Variants in ELAVL3 observed in about 807,000 individuals in gnomAD.
The protein encoded by ELAVL3 is ELAV like RNA binding protein 3.
A neutral mutation model predicts 34.2 loss-of-function variants in ELAVL3; 8 were observed. The ratio of observed to expected loss-of-function variants is 0.23; its 90% CI spans 0.14 to 0.42. The LOEUF (loss-of-function observed/expected upper bound fraction) is 0.42, where lower values mean the gene tolerates loss of function less well. ELAVL3 is among the 10% of genes least tolerant of loss of function. The pLI is 1.00. For synonymous variants in ELAVL3, 209 were observed against 222.1 expected (o/e 0.94, Z 0.53); for missense variants, 273 against 518.8 (o/e 0.53, Z 4.60).
chr19:11,454,498 AGGGGG>A lies in ELAVL3; in HGVS notation c.*23_*27del, dbSNP rs1970724898. 2.3e-6 allele frequency: 3 copies of A among 1,288,970 alleles called. No individual in the cohort carries two copies. The highest frequency in any genetic ancestry group is 3.0e-6 in the Non-Finnish European group (3 of 995,012). 79.8% of individuals were successfully genotyped at this position (1,288,970 alleles called of 1,614,324 possible). On this transcript the variant is annotated 3_prime_UTR_variant, in exon 7 of 7. Transcript: ENST00000359227. This position sits in a 1 kb window ranked among gnomAD's most constrained non-coding sequence, Gnocchi z 9.2. ...CTCTCTCTCTCTCTGCTGCCCGGGGAGGGGGTGGGAGGGCAGGCGGGGTGGGCTCA... is the reference window on the plus strand; with the variant it reads ...CTCTCTCTCTCTCTGCTGCCCGGGGATGGGAGGGCAGGCGGGGTGGGCTCA...
rs373130061 is a variant in ELAVL3 at position 11,466,798 on chromosome 19, C to T, written c.39G>A (p.Val13=). ...GGGCCGGGCCGGCCGGGCCCCCCCCCACCTGAGACTCCATGGCCCCCAGTA... is the reference window on the plus strand; with the variant it reads ...GGGCCGGGCCGGCCGGGCCCCCCCCTACCTGAGACTCCATGGCCCCCAGTA... The part of the protein sequence containing the change: ...TQILGAMESQ[V]GGGPAGPALP... The change falls in exon 2 of 7, where the codon GTG becomes GTA. Residue 13 remains valine (V), a synonymous_variant. Transcript: ENST00000359227. The surrounding 1 kb of genome is among the most constrained non-coding windows in gnomAD (Gnocchi z 5.0). 7.3e-5 allele frequency: 118 copies of T among 1,611,032 alleles called. No individual in the cohort carries two copies. Among genetic ancestry groups the T allele is most frequent in the Middle Eastern group, 4.9e-4 (3 of 6,082 alleles).
Position 11,458,033 on chromosome 19 carries a change from G to T in ELAVL3, c.713+28C>A. 1 of 1,603,296 alleles carries T rather than the reference G, an allele frequency of 6.2e-7. No homozygotes were observed. Among genetic ancestry groups the T allele is most frequent in the Non-Finnish European group, 8.5e-7 (1 of 1,176,880 alleles). On this transcript the variant is annotated intron_variant, in intron 5 of 6. Transcript: ENST00000359227. This position sits in a 1 kb window ranked among gnomAD's most constrained non-coding sequence, Gnocchi z 7.3. ...TTGCAAGCTTGGGGGCACCCGGCCT[G>T]GGGCCATCTGGCTGGCAGGGGGCTC...
At chr19:11,455,088 T>C (rs1046678353) in intron 6 of ELAVL3, among the ~76,000 whole-genome samples, 2 of 151,976 alleles carry the variant, frequency 1.3e-5, no homozygotes, top group Non-Finnish European at 2.9e-5. Context: ...AGCTTTGACC[T>C]CCTGGGCTCA....
chr19:11,468,223 TACCTGCCTTCATCTCCCCTTGCC>T (rs1971095029), intron 1 of ELAVL3, among the ~76,000 whole-genome samples: 1 of 152,224 alleles, frequency 6.6e-6, no homozygotes, highest in Non-Finnish European at 1.5e-5. Context: ...ACTAGTCATT[TACCTGCCTTCATCTCCCCTTGCC>T]ACCCCCAGTT....
chr19:11,474,351 C>T (rs980585157), intron 1 of ELAVL3, among the ~76,000 whole-genome samples: 4 of 152,134 alleles, frequency 2.6e-5, no homozygotes, highest in Admixed American at 2.6e-4. Flanking sequence ...AATCCCAGCA[C>T]TTTGGGAGGC....
At chr19:11,472,853 G>A (rs527377145) in intron 1 of ELAVL3, among the ~76,000 whole-genome samples, 1 of 151,268 alleles carries the variant, frequency 6.6e-6, no homozygotes, top group Non-Finnish European at 1.5e-5. Context: ...ATCGCCAGAG[G>A]TCAGGAGTTT....
In ELAVL3 at chr19:11,454,081, C is replaced by G. The variant is rs1970714771; in HGVS notation, c.*445G>C. 6.4e-6 allele frequency: 1 copy of G among 156,452 alleles called. No homozygotes were observed. The highest frequency in any genetic ancestry group is 1.4e-5 in the Non-Finnish European group (1 of 70,684). 9.7% of individuals were successfully genotyped at this position (156,452 alleles called of 1,614,324 possible). ...GTTCGCTTTTTTGGGGATTTTTAAA[C>G]CTGTTCCTCCTACCCCAGGCCCCAC... is the stretch of plus-strand genomic sequence containing the variant. On this transcript the variant is annotated 3_prime_UTR_variant, in exon 7 of 7. Coordinates refer to ENST00000359227, the MANE Select transcript of ELAVL3 (RefSeq NM_001420.4). The surrounding 1 kb of genome is among the most constrained non-coding windows in gnomAD (Gnocchi z 9.2).
intron 1 of ELAVL3, among the ~76,000 whole-genome samples, chr19:11,476,936 G>A (rs1415439054): frequency 1.3e-5 from 2 of 151,484 alleles, no homozygotes; most frequent in East Asian, 3.9e-4. Context: ...AAAAAAAAAA[G>A]AATTCAGTTC....
At position 11,454,903 on chromosome 19, in the gene ELAVL3, G is replaced by T. The variant is rs753753375; in HGVS notation, c.753-26C>A. Reference sequence around the variant, plus strand: ...CTACTTTGGGGGTCACGCGGGCTCTGCCCTGACCCCCCGCATGCTTCTGAC... The same window carrying T: ...CTACTTTGGGGGTCACGCGGGCTCTTCCCTGACCCCCCGCATGCTTCTGAC... On this transcript the variant is annotated intron_variant, in intron 6 of 6. Transcript: ENST00000359227. The surrounding 1 kb of genome is among the most constrained non-coding windows in gnomAD (Gnocchi z 9.2). The T allele has an allele frequency of 2.2e-5, 35 of 1,568,400 alleles. No homozygotes were observed. Among genetic ancestry groups the T allele is most frequent in the Non-Finnish European group, 2.9e-5 (34 of 1,161,798 alleles).
intron 6 of ELAVL3, among the ~76,000 whole-genome samples, chr19:11,455,302 T>TC (rs1970745252): frequency 6.8e-6 from 1 of 147,856 alleles, no homozygotes; most frequent in African/African-American, 2.5e-5. Context: ...CCCACTAATT[T>TC]TTTTTTTTTT....
rs751681937 is a variant in ELAVL3, at chr19:11,458,314, G to A, written c.488-28C>T. On this transcript the variant is annotated intron_variant, in intron 4 of 6. Transcript: ENST00000359227. This position sits in a 1 kb window ranked among gnomAD's most constrained non-coding sequence, Gnocchi z 7.3. ...GCCAGGGGGCAGGGATGTCCATCAC[G>A]ACGACCCTGTCCCCTCCTGTGTAAC... 37 of 1,611,508 alleles carry A rather than the reference G, an allele frequency of 2.3e-5. No homozygotes were observed. The highest frequency in any genetic ancestry group is 1.0e-4 in the Admixed American group (6 of 59,962).
At chr19:11,472,975 G>A (rs1256125504) in intron 1 of ELAVL3, among the ~76,000 whole-genome samples, 1 of 152,036 alleles carries the variant, frequency 6.6e-6, no homozygotes, top group African/African-American at 2.4e-5. Flanking sequence ...GCTGAGGCAG[G>A]AGAATCACTT....
At chr19:11,461,009 C>CAAA (rs535847241) in intron 3 of ELAVL3, among the ~76,000 whole-genome samples, 14 of 89,840 alleles carry the variant, frequency 1.6e-4, no homozygotes, top group Non-Finnish European at 3.4e-4. Context: ...ACAACCTCTA[C>CAAA]AAAAAAAAAA....
chr19:11,475,612 CTT>C (rs35672237), intron 1 of ELAVL3, among the ~76,000 whole-genome samples: 37 of 133,684 alleles, frequency 2.8e-4, no homozygotes, highest in African/African-American at 3.4e-4. Context: ...TCACCATCTA[CTT>C]TTTTTTTTTT....
At chr19:11,468,268 C>A (rs1396085443) in intron 1 of ELAVL3, among the ~76,000 whole-genome samples, 2 of 152,182 alleles carry the variant, frequency 1.3e-5, no homozygotes, top group Non-Finnish European at 2.9e-5. Context: ...TCCCACTGAG[C>A]TATTTTGTTC....
chr19:11,467,576 T>G (rs1291586163), intron 1 of ELAVL3, among the ~76,000 whole-genome samples: 2 of 143,110 alleles, frequency 1.4e-5, no homozygotes, highest in African/African-American at 5.2e-5. Context: ...CTCCGCCTCT[T>G]GGGTTCAAGC....
intron 1 of ELAVL3, among the ~76,000 whole-genome samples, chr19:11,469,746 TCA>T (rs1305062365): frequency 2.0e-5 from 3 of 152,012 alleles, no homozygotes; most frequent in Admixed American, 2.0e-4. Flanking sequence ...TTTATTTAAT[TCA>T]CACAAAGACT....
rs1216957449 is a variant in ELAVL3 at position 11,458,399 on chromosome 19, C to T, written c.487+59G>A. On this transcript the variant is annotated intron_variant, in intron 4 of 6. Transcript: ENST00000359227. The surrounding 1 kb of genome is among the most constrained non-coding windows in gnomAD (Gnocchi z 7.3). ...TCTTGGTCGGTTTCCCCACGTTGGT[C>T]CCACCTGACTGCCTTTGCCCAGCGC... The T allele has an allele frequency of 3.1e-6, 5 of 1,610,130 alleles. No homozygotes were observed. In the South Asian group the frequency reaches 4.4e-5, roughly 14 times the overall value.
chr19:11,464,168 T>TC (rs34925349), intron 3 of ELAVL3, among the ~76,000 whole-genome samples: 1 of 79,138 alleles, frequency 1.3e-5, no homozygotes, highest in African/African-American at 8.1e-5. Flanking sequence ...TATATATATA[T>TC]TTTTTTTTTT....
Sources: allele counts gnomAD v4.1 joint callset (sites outside exome capture counted in the v4.1 genomes callset), GRCh38; gene constraint gnomAD v4.1.1; non-coding constraint Gnocchi (gnomAD v3.1); transcripts MANE v1.5; gene names NCBI Gene and HGNC (gene_info 2026-07-23, HGNC 2026-07-21).